The following OVGP1 variants were observed in gnomAD, a reference collection of about 807,000 sequenced individuals.
OVGP1 encodes the protein oviductal glycoprotein 1, also known as oviduct-specific glycoprotein.
In OVGP1, 26 loss-of-function variants were observed where a neutral mutation model predicts 48.2. The ratio of observed to expected loss-of-function variants is 0.54; its 90% CI spans 0.40 to 0.75. OVGP1 has a LOEUF of 0.75. Ranked by LOEUF, OVGP1 falls within the 30% of genes least tolerant of loss-of-function variation. OVGP1 has a pLI of 0.00. For synonymous variants in OVGP1, 294 were observed against 305.7 expected, an observed-to-expected ratio of 0.96 and a Z score of 0.40; for missense variants, 791 against 820.6, an observed-to-expected ratio of 0.96 and a Z score of 0.44.
At chr1:111,417,316 T>C (rs779045457) in intron 9 of OVGP1, among the ~76,000 whole-genome samples, 29 of 152,230 alleles carry the variant, frequency 1.9e-4, no homozygotes, top group Non-Finnish European at 3.5e-4. Flanking sequence ...GATGAGAAAA[T>C]AAAGGCTTTC....
chr1:111,423,741 CTA>C (rs771237307), intron 4 of OVGP1, 33 bp from the exon 5 acceptor site: 2 of 1,601,466 alleles, frequency 1.2e-6, no homozygotes, highest in Non-Finnish European at 1.7e-6. Flanking sequence ...GCAAAGAACT[CTA>C]TCCACAGAAT....
At chr1:111,427,182 C>T (rs1652420452) in intron 1 of OVGP1, 91 bp from the exon 2 acceptor site, 2 of 1,595,962 alleles carry the variant, frequency 1.3e-6, no homozygotes, top group Middle Eastern at 1.7e-4. Flanking sequence ...CAAGGGTGCC[C>T]ACCAACACAC....
At chr1:111,424,931 T>A (rs929598589) in intron 4 of OVGP1, among the ~76,000 whole-genome samples, 2 of 152,240 alleles carry the variant, frequency 1.3e-5, no homozygotes, top group Non-Finnish European at 2.9e-5. Context: ...ATACTGAACA[T>A]GTACTATGTC....
At position 111,416,457 on chromosome 1, in the gene OVGP1, G is replaced by A. The variant is rs753022114; in HGVS notation, c.1022C>T (p.Ala341Val). The change falls in exon 10 of 11, where the codon GCA becomes GTA. Residue 341 changes from alanine (A) to valine (V), a missense_variant and splice_region_variant. Ala to Val is a moderately conservative substitution (Grantham distance 64, BLOSUM62 0). Transcript: ENST00000369732. ...AAAATGCTCTCGCCTTATAAACCAT[G>A]CCTGTAAAAGTAACAGTCAGTCAAC... ...YDNAISFSYK[A>V]WFIRREHFGG... is the part of the protein sequence containing the mutation. 1.9e-6 allele frequency: 3 copies of A among 1,601,396 alleles called. No individual in the cohort carries two copies. Among genetic ancestry groups the A allele is most frequent in the Non-Finnish European group, 2.6e-6 (3 of 1,173,434 alleles).
At position 111,417,654 on chromosome 1, in the gene OVGP1, CAT is replaced by C. The variant is rs889613813; in HGVS notation, c.1021-1198_1021-1197del. ...ACACACACACATGCACACACACACACATACTCACATACCCCAACACCCCAGAC... is the reference window on the plus strand; with the variant it reads ...ACACACACACATGCACACACACACACACTCACATACCCCAACACCCCAGAC... On this transcript the variant is annotated intron_variant, in intron 9 of 10. Transcript: ENST00000369732. 2.8e-3 allele frequency among the ~76,000 whole-genome samples: 420 copies of C among 152,276 alleles called. 1 individual carries two copies. The highest frequency in any genetic ancestry group is 9.8e-3 in the African/African-American group (408 of 41,564).
In OVGP1 at chr1:111,414,681, A is replaced by G. The variant is rs1386861559; in HGVS notation, c.1820T>C (p.Met607Thr). The part of the protein sequence containing the change: ...LTSEVGTHPR[M>T]GNLGLQMEAE... ...TTCCATCTGAAGACCCAAGTTACCC[A>G]TCCTGGGGTGAGTGCCCACCTCAGA... The change falls in exon 11 of 11, where the codon ATG becomes ACG. Residue 607 changes from methionine (M) to threonine (T), a missense_variant. Transcript: ENST00000369732. 1 of 1,614,110 alleles carries G rather than the reference A, an allele frequency of 6.2e-7. No homozygotes were observed. The highest frequency in any genetic ancestry group is 8.5e-7 in the Non-Finnish European group (1 of 1,179,960).
chr1:111,419,861 G>A (rs1206755138), intron 8 of OVGP1, 135 bp from the exon 9 acceptor site: 1 of 636,318 alleles, frequency 1.6e-6, no homozygotes, highest in East Asian at 2.6e-5. Context: ...ACCAAAGAGA[G>A]AATGGAGAGG....
chr1:111,421,511 C>T, intron 7 of OVGP1, 50 bp from the exon 8 acceptor site: 1 of 1,609,394 alleles, frequency 6.2e-7, no homozygotes, highest in Non-Finnish European at 8.5e-7. Context: ...GAGCCAATGG[C>T]CTGAGCTCAG....
chr1:111,421,598 G>A lies in OVGP1; in HGVS notation c.684C>T (p.Pro228=), dbSNP rs1310182047. 3 of 1,613,254 alleles carry A rather than the reference G, an allele frequency of 1.9e-6. No homozygotes were observed. The highest frequency in any genetic ancestry group is 1.3e-5 in the African/African-American group (1 of 75,034). The change falls in exon 7 of 11, where the codon CCC becomes CCT. Residue 228 remains proline (P), a synonymous_variant. Coordinates refer to ENST00000369732, the MANE Select transcript of OVGP1 (RefSeq NM_002557.4). ...TGGGGTCTTCAGGCAGAGAGAAGAG[G>A]GGGCTATTATGTCCTGTGAACCTTT... ...SWERFTGHNS[P]LFSLPEDPKS...
rs1557783488 is a variant in OVGP1 at position 111,421,303 on chromosome 1, C to T, written c.876G>A (p.Lys292=). 6.2e-7 allele frequency: 1 copy of T among 1,610,084 alleles called. No individual in the cohort carries two copies. Among genetic ancestry groups the T allele is most frequent in the Non-Finnish European group, 8.5e-7 (1 of 1,178,632 alleles). ...IGPASPGKYT[K]QEGFLAYFEI... ...CAAAATAAGCCAAGAAGCCTTCTTG[C>T]TTGGTGTACTTCCCTGGAGATGCTG... The change falls in exon 8 of 11, where the codon AAG becomes AAA. Residue 292 remains lysine, a synonymous_variant. Coordinates refer to ENST00000369732, the MANE Select transcript of OVGP1 (RefSeq NM_002557.4).
chr1:111,421,325 G>A lies in OVGP1; in HGVS notation c.854C>T (p.Ala285Val). 1 of 1,613,736 alleles carries A rather than the reference G, an allele frequency of 6.2e-7. No homozygotes were observed. The highest frequency in any genetic ancestry group is 8.5e-7 in the Non-Finnish European group (1 of 1,179,900). The change falls in exon 8 of 11, where the codon GCA (alanine) becomes GTA (valine). Residue 285 changes from alanine to valine, a missense_variant. Physicochemically the swap from Ala to Val is moderately conservative, Grantham distance 64. Transcript: ENST00000369732. Reference sequence around the variant, plus strand: ...TTGCTTGGTGTACTTCCCTGGAGATGCTGGTCCGATCGCTCTGGCCTGCAA... The same window carrying A: ...TTGCTTGGTGTACTTCCCTGGAGATACTGGTCCGATCGCTCTGGCCTGCAA... ...NGLQARAIGPASPGKYTKQEG... is the reference protein window; with the variant it reads ...NGLQARAIGPVSPGKYTKQEG...
Position 111,419,654 on chromosome 1 carries a change from T to C in OVGP1, c.976A>G (p.Lys326Glu). 1 of 1,613,524 alleles carries C rather than the reference T, an allele frequency of 6.2e-7. No individual in the cohort carries two copies. The highest frequency in any genetic ancestry group is 8.5e-7 in the Non-Finnish European group (1 of 1,179,446). Residue 326 changes from lysine to glutamate, a missense_variant, in exon 9 of 11, where the codon AAA becomes GAA. Lys to Glu is a moderately conservative substitution (Grantham distance 56, BLOSUM62 1). Transcript: ENST00000369732. ...GCATTGTCATAGCCAACCCACTCTT[T>C]CCCCTTGTTGGCATACGGGACATAC... The part of the protein sequence containing the change: ...YQYVPYANKG[K>E]EWVGYDNAIS...
At chr1:111,427,188 C>T in intron 1 of OVGP1, 97 bp from the exon 2 acceptor site, 1 of 1,593,694 alleles carries the variant, frequency 6.3e-7, no homozygotes, top group Non-Finnish European at 8.5e-7. Context: ...TGCCCACCAA[C>T]ACACCACCTT....
chr1:111,421,971 T>C (rs1485135676), intron 6 of OVGP1, among the ~76,000 whole-genome samples: 1 of 152,164 alleles, frequency 6.6e-6, no homozygotes, highest in East Asian at 1.9e-4. Flanking sequence ...TCTGCACAAA[T>C]GGTCATGAGT....
At chr1:111,426,990 G>A (rs577912780) in intron 2 of OVGP1, 72 bp downstream of exon 2, 2 of 1,612,384 alleles carry the variant, frequency 1.2e-6, no homozygotes, top group South Asian at 2.2e-5. Context: ...GGCTGCAGGG[G>A]ACACTCAATG....
intron 9 of OVGP1, chr1:111,416,826 G>A (rs1347972517): frequency 1.2e-5 from 2 of 165,024 alleles, no homozygotes; most frequent in African/African-American, 2.4e-5. Flanking sequence ...CCATTTATGT[G>A]TGGTACCTAG....
At chr1:111,426,766 C>G (rs1367553769) in intron 2 of OVGP1, 125 bp from the exon 3 acceptor site, 12 of 1,548,954 alleles carry the variant, frequency 7.7e-6, no homozygotes, top group East Asian at 4.9e-5. Flanking sequence ...TCTCCCTGGC[C>G]CTGAAGTACA....
intron 8 of OVGP1, among the ~76,000 whole-genome samples, chr1:111,420,546 C>T (rs990673432): frequency 1.3e-5 from 2 of 152,202 alleles, no homozygotes; most frequent in Non-Finnish European, 2.9e-5. Context: ...GAAGTCCTTC[C>T]CGTCTAGTCA....
At chr1:111,424,996 G>A (rs1253678683) in intron 4 of OVGP1, among the ~76,000 whole-genome samples, 2 of 152,172 alleles carry the variant, frequency 1.3e-5, no homozygotes, top group African/African-American at 4.8e-5. Context: ...AACCCTTTGA[G>A]GTTGATATCC....
Sources: gnomAD v4.1 joint callset for allele counts (sites outside exome capture counted in the v4.1 genomes callset) on GRCh38, gnomAD v4.1.1 for gene constraint, MANE v1.5 for transcripts, NCBI Gene and HGNC (gene_info 2026-07-23, HGNC 2026-07-21) for gene names.